The following ARMC9 variants were observed in gnomAD, a reference collection of about 807,000 sequenced individuals.
ARMC9 encodes armadillo repeat containing 9.
Under a neutral mutation model 107.0 loss-of-function variants are expected in ARMC9, and 94 were observed. The observed-to-expected ratio is 0.88, with a 90% CI of 0.74 to 1.04. ARMC9 has a LOEUF of 1.04. ARMC9 is among the 50% of genes least tolerant of loss of function. The pLI is 0.00. For missense variants in ARMC9, 942 were observed against 1,030.1 expected (o/e 0.91, Z 1.17); for synonymous variants, 380 against 396.9 (o/e 0.96, Z 0.51).
intron 8 of ARMC9, among the ~76,000 whole-genome samples, chr2:231,239,534 T>C (rs2036087401): frequency 6.6e-6 from 1 of 152,250 alleles, no homozygotes; most frequent in Non-Finnish European, 1.5e-5. Flanking sequence ...GCTGTTGGTC[T>C]TCTCGAGTCC....
intron 19 of ARMC9, among the ~76,000 whole-genome samples, chr2:231,326,973 G>GC (rs2043363377): frequency 6.6e-6 from 1 of 152,100 alleles, no homozygotes; most frequent in Non-Finnish European, 1.5e-5. Context: ...ATGATGGCCT[G>GC]CCCTCCCCCT....
chr2:231,274,248 G>T (rs189603415), intron 14 of ARMC9, among the ~76,000 whole-genome samples: 3 of 152,242 alleles, frequency 2.0e-5, no homozygotes, highest in Non-Finnish European at 4.4e-5. Flanking sequence ...CTCCTGGGTA[G>T]CTGGGATTAC....
chr2:231,327,840 G>A (rs568551269), intron 19 of ARMC9, among the ~76,000 whole-genome samples: 16 of 151,934 alleles, frequency 1.1e-4, no homozygotes, highest in East Asian at 5.8e-4. Context: ...GCTGGAGTGC[G>A]GTGGCATGAT....
chr2:231,293,609 T>A (rs1297020969), intron 18 of ARMC9, among the ~76,000 whole-genome samples: 1 of 152,188 alleles, frequency 6.6e-6, no homozygotes, highest in East Asian at 1.9e-4. Context: ...AATTTACACT[T>A]TTGTAAGGGA....
At position 231,244,790 on chromosome 2, in the gene ARMC9, G is replaced by C. The variant is rs144902606; in HGVS notation, c.879+4749G>C. Among the ~76,000 whole-genome samples, 498 of 152,372 alleles carry C rather than the reference G, an allele frequency of 3.3e-3. 4 individuals are homozygous for C. Among genetic ancestry groups the C allele is most frequent in the African/African-American group, 0.011 (477 of 41,590 alleles). On this transcript the variant is annotated intron_variant, in intron 9 of 24. Coordinates refer to ENST00000611582, the MANE Select transcript of ARMC9 (RefSeq NM_001352754.2). ...AGCCTAGCCCGCTGCCATTGCTGTG[G>C]CCACCATGAGGGCGGCATGGAGGAG...
rs2046166400 is a variant in ARMC9, at chr2:231,375,405, A to T, written c.*3870A>T. Among the ~76,000 whole-genome samples the T allele has an allele frequency of 6.6e-6, 1 of 152,258 alleles. No homozygotes were observed. On this transcript the variant is annotated 3_prime_UTR_variant, in exon 25 of 25. Coordinates refer to ENST00000611582, the MANE Select transcript of ARMC9 (RefSeq NM_001352754.2). This position sits in a 1 kb window ranked among gnomAD's most constrained non-coding sequence, Gnocchi z 4.3. Reference sequence around the variant, plus strand: ...CCCAAGTCTGTGTGAAAGGATGTGGATACAGGGACCCCGAATGAACCAGAG... The same window carrying T: ...CCCAAGTCTGTGTGAAAGGATGTGGTTACAGGGACCCCGAATGAACCAGAG...
Position 231,344,717 on chromosome 2 carries a change from C to T in ARMC9, c.1879-258C>T, listed in dbSNP as rs117185040. 2.7e-3 allele frequency among the ~76,000 whole-genome samples: 406 copies of T among 152,164 alleles called. 10 individuals are homozygous for T. The East Asian group carries it at 0.075, about 28-fold the overall frequency. On this transcript the variant is annotated intron_variant, in intron 20 of 24. Coordinates refer to ENST00000611582, the MANE Select transcript of ARMC9 (RefSeq NM_001352754.2). ...ATGTGATGAGTTCCAGTAGATCAAC[C>T]GCTTTCTTCCTTTTCCTAGGGTTTG...
At chr2:231,368,638 T>G (rs1266522742) in intron 23 of ARMC9, among the ~76,000 whole-genome samples, 1 of 152,078 alleles carries the variant, frequency 6.6e-6, no homozygotes, top group African/African-American at 2.4e-5. Context: ...AAAATTTTAT[T>G]TTTTGAGACA....
chr2:231,252,117 A>G (rs537768536), intron 9 of ARMC9, among the ~76,000 whole-genome samples: 1 of 152,366 alleles, frequency 6.6e-6, no homozygotes, highest in East Asian at 1.9e-4. Flanking sequence ...TAGAGAGTTT[A>G]GCAAAAGAGT....
chr2:231,284,968 T>C (rs2040478692), intron 17 of ARMC9, among the ~76,000 whole-genome samples: 1 of 152,138 alleles, frequency 6.6e-6, no homozygotes, highest in African/African-American at 2.4e-5. Context: ...TGGAAGCCGA[T>C]GTGGGCAGAT....
Position 231,375,149 on chromosome 2 carries a change from G to A in ARMC9, c.*3614G>A, listed in dbSNP as rs1023414792. 1.3e-4 allele frequency among the ~76,000 whole-genome samples: 20 copies of A among 152,220 alleles called. No individual in the cohort carries two copies. Among genetic ancestry groups the A allele is most frequent in the Admixed American group, 9.8e-4 (15 of 15,284 alleles). ...TGATGGGGGCTGGGCACGGACAGGC[G>A]ATTCTTCTGCTGGGCTTGGCTGAAC... On this transcript the variant is annotated 3_prime_UTR_variant, in exon 25 of 25. Coordinates refer to ENST00000611582, the MANE Select transcript of ARMC9 (RefSeq NM_001352754.2). The surrounding 1 kb of genome is among the most constrained non-coding windows in gnomAD (Gnocchi z 4.3).
chr2:231,337,290 A>ATT (rs58078324), intron 20 of ARMC9, among the ~76,000 whole-genome samples: 462 of 38,054 alleles, frequency 0.012, 49 homozygotes, highest in East Asian at 0.019. Context: ...ATATATATAT[A>ATT]TTTTTTTTTT....
chr2:231,202,693 G>A (rs1056267814), intron 1 of ARMC9, among the ~76,000 whole-genome samples: 5 of 152,058 alleles, frequency 3.3e-5, no homozygotes, highest in South Asian at 4.2e-4. Flanking sequence ...TCTGAATGCC[G>A]TTCCTGCTTC....
chr2:231,223,886 C>T (rs183258569), intron 6 of ARMC9, among the ~76,000 whole-genome samples: 7 of 152,252 alleles, frequency 4.6e-5, no homozygotes, highest in Admixed American at 2.6e-4. Context: ...CCTTTTCCTT[C>T]CTAGAGTTCC....
At chr2:231,287,660 T>A (rs1294641331) in intron 17 of ARMC9, among the ~76,000 whole-genome samples, 2 of 152,130 alleles carry the variant, frequency 1.3e-5, no homozygotes, top group East Asian at 3.9e-4. Flanking sequence ...TGATTACATG[T>A]CATGTAATCT....
intron 5 of ARMC9, among the ~76,000 whole-genome samples, chr2:231,218,086 C>T (rs1002393729): frequency 6.6e-6 from 1 of 152,238 alleles, no homozygotes; most frequent in African/African-American, 2.4e-5. Context: ...CAGTACATTT[C>T]AGCATCCCAT....
intron 3 of ARMC9, among the ~76,000 whole-genome samples, chr2:231,213,395 C>T (rs1416595429): frequency 2.6e-5 from 4 of 151,666 alleles, no homozygotes; most frequent in Admixed American, 2.6e-4. Context: ...AGCTCCTGGG[C>T]AAACGATCTG....
intron 8 of ARMC9, among the ~76,000 whole-genome samples, chr2:231,237,256 A>AT (rs1252737861): frequency 1.3e-5 from 2 of 151,846 alleles, no homozygotes; most frequent in Non-Finnish European, 2.9e-5. Flanking sequence ...CATATGATGC[A>AT]TTACTCTTCT....
At chr2:231,258,207 C>A (rs971043808) in intron 10 of ARMC9, among the ~76,000 whole-genome samples, 1 of 152,060 alleles carries the variant, frequency 6.6e-6, no homozygotes, top group Admixed American at 6.6e-5. Context: ...TTCTTTGAGA[C>A]GGAGTCTTGC....
Sources: allele counts gnomAD v4.1 joint callset (sites outside exome capture counted in the v4.1 genomes callset), GRCh38; gene constraint gnomAD v4.1.1; non-coding constraint Gnocchi (gnomAD v3.1); transcripts MANE v1.5; gene names NCBI Gene and HGNC (gene_info 2026-07-23, HGNC 2026-07-21).